INTS9: variants seen among roughly 807,000 people sequenced by gnomAD.
INTS9 encodes protein related to CPSF subunits of 74 kDa.
Under a neutral mutation model 79.7 loss-of-function variants are expected in INTS9, and 55 were observed. That is an observed-to-expected ratio of 0.69 (90% CI 0.56 to 0.86). The LOEUF is 0.86. Among genes scored for constraint, INTS9 ranks in the 40% least tolerant of loss-of-function variants. INTS9 has a pLI of 0.00. For missense variants in INTS9, 721 were observed against 831.5 expected (o/e 0.87, Z 1.64); for synonymous variants, 319 against 325.2 (o/e 0.98, Z 0.20).
intron 10 of INTS9, 110 bp downstream of exon 10, chr8:28,793,697 A>C: frequency 1.9e-6 from 2 of 1,043,000 alleles, no homozygotes; most frequent in Non-Finnish European, 2.7e-6. Flanking sequence ...AAACAACAAA[A>C]TGAAATTTCC....
At chr8:28,884,168 CTTTTTTTTTTTTTT>C (rs35799882) in intron 1 of INTS9, among the ~76,000 whole-genome samples, 31 of 46,982 alleles carry the variant, frequency 6.6e-4, no homozygotes, top group East Asian at 9.0e-4. Context: ...ATCAGTGTAT[CTTTTTTTTTTTTTT>C]TTTTTTTTTT....
intron 4 of INTS9, among the ~76,000 whole-genome samples, chr8:28,839,186 C>T (rs564539087): frequency 2.0e-5 from 3 of 152,134 alleles, no homozygotes; most frequent in Non-Finnish European, 4.4e-5. Flanking sequence ...AACTCCCATT[C>T]ACAATTGCTT....
intron 6 of INTS9, among the ~76,000 whole-genome samples, chr8:28,830,143 G>A (rs1319997245): frequency 1.3e-5 from 2 of 152,122 alleles, no homozygotes; most frequent in Non-Finnish European, 2.9e-5. Flanking sequence ...AAAAAGCAGC[G>A]TTTGTCAATG....
At chr8:28,770,156 G>A (rs1289025305) in intron 15 of INTS9, 130 bp from the exon 16 acceptor site, 15 of 1,196,512 alleles carry the variant, frequency 1.3e-5, no homozygotes, top group African/African-American at 3.1e-5. Flanking sequence ...TTCCTCAGCC[G>A]GCACTCGGTT....
chr8:28,852,091 CGCTT>C (rs149685418), intron 2 of INTS9, among the ~76,000 whole-genome samples: 4,457 of 152,110 alleles, frequency 0.029, 229 homozygotes, highest in African/African-American at 0.1. Context: ...TGGTGGTACA[CGCTT>C]GCAGTCTCAG....
chr8:28,776,444 T>G (rs1802893906), intron 13 of INTS9, among the ~76,000 whole-genome samples: 1 of 149,780 alleles, frequency 6.7e-6, no homozygotes, highest in Non-Finnish European at 1.5e-5. Context: ...TTTTTTGTTT[T>G]TTTTTTTAAA....
intron 14 of INTS9, among the ~76,000 whole-genome samples, chr8:28,775,184 C>G (rs150703576): frequency 6.6e-6 from 1 of 152,208 alleles, no homozygotes; most frequent in African/African-American, 2.4e-5. Context: ...AGCATCTCCA[C>G]TTCCCAGGGC....
chr8:28,853,838 C>A (rs1807992709), intron 2 of INTS9, among the ~76,000 whole-genome samples: 1 of 152,164 alleles, frequency 6.6e-6, no homozygotes, highest in East Asian at 1.9e-4. Flanking sequence ...TCTGCCTCAG[C>A]CTCCCGAGTA....
intron 4 of INTS9, among the ~76,000 whole-genome samples, chr8:28,845,857 G>A (rs1585462154): frequency 6.6e-6 from 1 of 152,124 alleles, no homozygotes; most frequent in East Asian, 1.9e-4. Context: ...ATTTGCTCTG[G>A]TACCCTCAAA....
chr8:28,777,840 T>TAA lies in INTS9; in HGVS notation c.1382_1383dup (p.Lys462LeufsTer29). On this transcript the variant is annotated frameshift_variant, in exon 13 of 17. Coordinates refer to ENST00000521022, the MANE Select transcript of INTS9 (RefSeq NM_018250.4). LOFTEE classifies it high-confidence loss of function. Reference sequence around the variant, plus strand: ...GTGTCCTTCATTACCTGCACTTCTTTAAGCAGCTTTGACACCTGGATGAAG... The same window carrying TAA: ...GTGTCCTTCATTACCTGCACTTCTTTAAAAGCAGCTTTGACACCTGGATGAAG... 1 of 1,607,626 alleles carries TAA rather than the reference T, an allele frequency of 6.2e-7. No homozygotes were observed. Among genetic ancestry groups the TAA allele is most frequent in the Non-Finnish European group, 8.5e-7 (1 of 1,177,262 alleles).
intron 6 of INTS9, among the ~76,000 whole-genome samples, chr8:28,817,567 A>G (rs898394474): frequency 4.6e-5 from 7 of 152,084 alleles, no homozygotes; most frequent in African/African-American, 1.7e-4. Context: ...GCCTTGCAGT[A>G]TAGTTTGAAG....
At chr8:28,852,825 C>T (rs1807921476) in intron 2 of INTS9, among the ~76,000 whole-genome samples, 1 of 152,190 alleles carries the variant, frequency 6.6e-6, no homozygotes, top group Non-Finnish European at 1.5e-5. Context: ...TGGGTGGTTA[C>T]TTTGGGTTAG....
chr8:28,880,299 C>G (rs1293592200), intron 1 of INTS9, among the ~76,000 whole-genome samples: 2 of 149,054 alleles, frequency 1.3e-5, no homozygotes, highest in African/African-American at 5.1e-5. Flanking sequence ...CGGTCTCCCT[C>G]TGATGCCGAG....
At position 28,775,892 on chromosome 8, in the gene INTS9, T is replaced by C; in HGVS notation, c.1430A>G (p.Gln477Arg). The change falls in exon 14 of 17, where the codon CAG (glutamine) becomes CGG (arginine). Residue 477 changes from glutamine to arginine, a missense_variant. Transcript: ENST00000521022. The part of the protein sequence containing the change: ...LHVVCPEQYT[Q>R]PPPAQSHRMD... ...CCTGTGGGACTGGGCTGGGGGCGGC[T>C]GAGTGTACTGCTCAGGACACACCAC... 1.9e-6 allele frequency: 3 copies of C among 1,604,468 alleles called. No homozygotes were observed. The highest frequency in any genetic ancestry group is 1.7e-5 in the Admixed American group (1 of 58,824).
intron 4 of INTS9, among the ~76,000 whole-genome samples, chr8:28,838,245 C>A (rs1015647678): frequency 6.7e-6 from 1 of 148,572 alleles, no homozygotes; most frequent in Non-Finnish European, 1.5e-5. Context: ...ACTTGTTTTG[C>A]TTTTTTTTTT....
chr8:28,788,174 TG>T (rs1411739936), intron 10 of INTS9, among the ~76,000 whole-genome samples: 5 of 152,230 alleles, frequency 3.3e-5, no homozygotes, highest in Admixed American at 1.3e-4. Flanking sequence ...AGAGTTTCCA[TG>T]GCCTCTTCAC....
chr8:28,852,134 G>A (rs1807873889), intron 2 of INTS9, among the ~76,000 whole-genome samples: 1 of 152,026 alleles, frequency 6.6e-6, no homozygotes, highest in African/African-American at 2.4e-5. Flanking sequence ...AGGAAGGATC[G>A]CTTGAGCCCA....
At chr8:28,849,268 C>A (rs112123565) in intron 3 of INTS9, among the ~76,000 whole-genome samples, 1 of 152,106 alleles carries the variant, frequency 6.6e-6, no homozygotes, top group Non-Finnish European at 1.5e-5. Flanking sequence ...GATTTTAGTA[C>A]GAAGTTTGAC....
chr8:28,822,916 T>C (rs1189205902), intron 6 of INTS9, among the ~76,000 whole-genome samples: 24 of 152,056 alleles, frequency 1.6e-4, no homozygotes. Flanking sequence ...ACACACTCTT[T>C]GGCAGGGAGT....
Sources: gnomAD v4.1 joint callset for allele counts (sites outside exome capture counted in the v4.1 genomes callset) on GRCh38, gnomAD v4.1.1 for gene constraint, MANE v1.5 for transcripts, NCBI Gene and HGNC (gene_info 2026-07-23, HGNC 2026-07-21) for gene names.